Variants in KCNMA1 observed in about 807,000 individuals in gnomAD.
KCNMA1 encodes the protein potassium calcium-activated channel subfamily M alpha 1.
A neutral mutation model predicts 140.0 loss-of-function variants in KCNMA1; 29 were observed. The ratio of observed to expected loss-of-function variants is 0.21; its 90% CI spans 0.15 to 0.28. KCNMA1 has a LOEUF of 0.28. KCNMA1 is among the 10% of genes least tolerant of loss of function. KCNMA1 has a pLI of 1.00. For synonymous variants in KCNMA1, 612 were observed against 611.9 expected (o/e 1.00, Z 0.00); for missense variants, 880 against 1,602.2 (o/e 0.55, Z 7.70).
At chr10:76,965,641 T>C (rs1010772713) in intron 20 of KCNMA1, among the ~76,000 whole-genome samples, 17 of 152,216 alleles carry the variant, frequency 1.1e-4, no homozygotes, top group African/African-American at 4.1e-4. Context: ...CCCAGGCATT[T>C]ACTGTGGTCT....
At chr10:77,552,282 T>A (rs1021849000) in intron 1 of KCNMA1, among the ~76,000 whole-genome samples, 3 of 152,176 alleles carry the variant, frequency 2.0e-5, no homozygotes, top group South Asian at 2.1e-4. Flanking sequence ...ATTAAACCAT[T>A]AGCTCTGGAG....
chr10:77,235,240 G>A (rs1011996696), intron 3 of KCNMA1, among the ~76,000 whole-genome samples: 1 of 152,182 alleles, frequency 6.6e-6, no homozygotes, highest in African/African-American at 2.4e-5. Flanking sequence ...AACTGTCCCT[G>A]GCTGGAGGTT....
intron 23 of KCNMA1, among the ~76,000 whole-genome samples, chr10:76,918,918 TCACACACA>T (rs71477059): frequency 6.2e-5 from 9 of 144,156 alleles, no homozygotes; most frequent in African/African-American, 2.3e-4. Context: ...ATATATCACA[TCACACACA>T]CACACACACA....
At chr10:76,926,028 T>A (rs1446768466) in intron 23 of KCNMA1, among the ~76,000 whole-genome samples, 1 of 152,162 alleles carries the variant, frequency 6.6e-6, no homozygotes, top group East Asian at 1.9e-4. Context: ...AATCTTTTTT[T>A]CTTAAGTGTT....
intron 1 of KCNMA1, among the ~76,000 whole-genome samples, chr10:77,554,595 C>CT (rs1347113131): frequency 4.4e-5 from 2 of 45,558 alleles, no homozygotes; most frequent in Non-Finnish European, 6.9e-5. Flanking sequence ...AATACTCCAT[C>CT]TCAAAAAAAA....
chr10:77,319,882 T>C (rs955322204), intron 2 of KCNMA1, among the ~76,000 whole-genome samples: 38 of 152,214 alleles, frequency 2.5e-4, no homozygotes, highest in African/African-American at 9.2e-4. Flanking sequence ...ATATACTGTA[T>C]TGAGCAAGAA....
intron 19 of KCNMA1, among the ~76,000 whole-genome samples, chr10:76,986,217 A>G (rs1383823570): frequency 6.6e-6 from 1 of 152,210 alleles, no homozygotes; most frequent in East Asian, 1.9e-4. Context: ...AATCTCTAAC[A>G]ACAACAACAA....
chr10:77,262,098 G>T (rs1014875935), intron 2 of KCNMA1, among the ~76,000 whole-genome samples: 1 of 152,138 alleles, frequency 6.6e-6, no homozygotes, highest in African/African-American at 2.4e-5. Flanking sequence ...ATTTAAAGCT[G>T]GGACTCAAAC....
At chr10:77,019,884 A>AAT (rs1004446609) in intron 16 of KCNMA1, 2 of 152,202 alleles carry the variant, frequency 1.3e-5, no homozygotes, top group African/African-American at 4.8e-5. Context: ...TGGGAACCTA[A>AAT]ATATACATTG....
At chr10:77,213,808 T>C (rs1328695068) in intron 3 of KCNMA1, among the ~76,000 whole-genome samples, 1 of 152,184 alleles carries the variant, frequency 6.6e-6, no homozygotes, top group Non-Finnish European at 1.5e-5. Flanking sequence ...ATAGTGTTTC[T>C]GATATCTCGG....
intron 14 of KCNMA1, among the ~76,000 whole-genome samples, chr10:77,063,455 AG>A (rs1339289691): frequency 6.6e-6 from 1 of 152,128 alleles, no homozygotes; most frequent in African/African-American, 2.4e-5. Context: ...CAAAAAAAAA[AG>A]GTATATCACG....
intron 1 of KCNMA1, among the ~76,000 whole-genome samples, chr10:77,420,713 G>GA (rs1158012006): frequency 1.3e-5 from 2 of 152,148 alleles, no homozygotes; most frequent in African/African-American, 4.8e-5. Context: ...CAAGAGCACA[G>GA]ACCCAGTAAC....
In KCNMA1 at chr10:77,129,693, A is replaced by C. The variant is rs542842964; in HGVS notation, c.809-8645T>G. On this transcript the variant is annotated intron_variant, in intron 5 of 27. Coordinates refer to ENST00000286628, the MANE Select transcript of KCNMA1 (RefSeq NM_001161352.2). Reference sequence around the variant, plus strand: ...TGACTAAATAACCAGAAAACCAATAAATATGAAAAAAAATTTTAAAAATCT... The same window carrying C: ...TGACTAAATAACCAGAAAACCAATACATATGAAAAAAAATTTTAAAAATCT... 3.9e-5 allele frequency among the ~76,000 whole-genome samples: 6 copies of C among 152,160 alleles called. No homozygotes were observed. The East Asian group carries it at 1.2e-3, about 29-fold the overall frequency.
chr10:76,905,145 G>A lies in KCNMA1; in HGVS notation c.3147+4821C>T, dbSNP rs570398828. On this transcript the variant is annotated intron_variant, in intron 25 of 27. Transcript: ENST00000286628. Reference sequence around the variant, plus strand: ...AACTTGATAAATGCAGAAGTTGTCTGTGGGGTAGATGTAGACTGCAATGTG... The same window carrying A: ...AACTTGATAAATGCAGAAGTTGTCTATGGGGTAGATGTAGACTGCAATGTG... 4 of 152,366 alleles carry A rather than the reference G, an allele frequency of 2.6e-5. No homozygotes were observed. The East Asian group carries it at 7.7e-4, about 29-fold the overall frequency. The allele number at this position is 152,366 out of a possible 1,614,324, so 9.4% of individuals were successfully genotyped here.
At chr10:76,962,199 C>T (rs531453058) in intron 20 of KCNMA1, among the ~76,000 whole-genome samples, 8 of 152,332 alleles carry the variant, frequency 5.3e-5, no homozygotes, top group African/African-American at 1.9e-4. Context: ...AATCCCAGTT[C>T]CTTCGGTGGC....
At chr10:77,026,721 T>C (rs766613396) in intron 16 of KCNMA1, among the ~76,000 whole-genome samples, 5 of 152,238 alleles carry the variant, frequency 3.3e-5, no homozygotes, top group Non-Finnish European at 7.3e-5. Context: ...GTGAGCAATC[T>C]GATCTGGTAG....
intron 17 of KCNMA1, among the ~76,000 whole-genome samples, chr10:77,018,128 C>A (rs756672067): frequency 2.6e-5 from 4 of 152,108 alleles, no homozygotes; most frequent in Non-Finnish European, 5.9e-5. Flanking sequence ...GAAGACTTAC[C>A]TTCCAGGGTT....
chr10:77,589,877 T>G (rs930780882), intron 1 of KCNMA1, among the ~76,000 whole-genome samples: 14 of 152,166 alleles, frequency 9.2e-5, no homozygotes, highest in Admixed American at 3.3e-4. Flanking sequence ...TTGCCACTGC[T>G]GGCTGCGGCA....
intron 3 of KCNMA1, among the ~76,000 whole-genome samples, chr10:77,221,425 G>T (rs907550054): frequency 2.0e-5 from 3 of 151,814 alleles, no homozygotes; most frequent in African/African-American, 4.8e-5. Context: ...GTGGGGGTGG[G>T]TGCAAAAAAA....
Sources: allele counts gnomAD v4.1 joint callset (sites outside exome capture counted in the v4.1 genomes callset), GRCh38; gene constraint gnomAD v4.1.1; transcripts MANE v1.5; gene names NCBI Gene and HGNC (gene_info 2026-07-23, HGNC 2026-07-21).